The following CCDC93 variants were observed in gnomAD, a reference collection of about 807,000 sequenced individuals.
CCDC93 encodes CCC complex scaffolding subunit CCDC93, also known as coiled-coil domain-containing protein 93.
A neutral mutation model predicts 108.2 loss-of-function variants in CCDC93; 61 were observed. The ratio of observed to expected loss-of-function variants is 0.56; its 90% CI spans 0.46 to 0.70. The LOEUF is 0.70. Ranked by LOEUF, CCDC93 falls within the 30% of genes least tolerant of loss-of-function variation. The pLI, the probability that CCDC93 is intolerant of heterozygous loss-of-function variation, is 0.00. For synonymous variants in CCDC93, 276 were observed against 260.4 expected, an observed-to-expected ratio of 1.06 and a Z score of -0.58; for missense variants, 685 against 764.2, an observed-to-expected ratio of 0.90 and a Z score of 1.22.
chr2:117,936,795 T>C (rs1423602665), intron 20 of CCDC93, 56 bp from the exon 21 acceptor site: 1 of 1,347,056 alleles, frequency 7.4e-7, no homozygotes, highest in African/African-American at 1.4e-5. Context: ...ATTTCCACAC[T>C]ACTGCAACTG....
intron 12 of CCDC93, among the ~76,000 whole-genome samples, chr2:117,956,421 C>T (rs1679219420): frequency 6.6e-6 from 1 of 152,212 alleles, no homozygotes; most frequent in South Asian, 2.1e-4. Context: ...AGTATTGCTT[C>T]TCCCCAGGTT....
chr2:117,967,714 G>C lies in CCDC93; in HGVS notation c.888+6194C>G, dbSNP rs182551673. Among the ~76,000 whole-genome samples, 468 of 152,240 alleles carry C rather than the reference G, an allele frequency of 3.1e-3. 5 individuals are homozygous for C. Among genetic ancestry groups the C allele is most frequent in the African/African-American group, 0.011 (442 of 41,552 alleles). On this transcript the variant is annotated intron_variant, in intron 11 of 23. Coordinates refer to ENST00000376300, the MANE Select transcript of CCDC93 (RefSeq NM_019044.5). ...GGCACTGGACAAGTCACATAATCTCGTTTCTTTGCCTGCAAAATGGATATA... is the reference window on the plus strand; with the variant it reads ...GGCACTGGACAAGTCACATAATCTCCTTTCTTTGCCTGCAAAATGGATATA...
intron 6 of CCDC93, among the ~76,000 whole-genome samples, chr2:117,987,648 G>A (rs1021599424): frequency 2.0e-5 from 3 of 152,178 alleles, no homozygotes; most frequent in African/African-American, 7.2e-5. Flanking sequence ...AACAGATCTT[G>A]AAGGATGCTC....
chr2:117,935,546 A>G lies in CCDC93; in HGVS notation c.1677T>C (p.Phe559=). ...AMASPAARDQ[F]LRQMEQIVEG... is the part of the protein sequence containing the mutation. ...CCACAATCTGTTCCATCTGACGTAA[A>G]AACTGGTCCCGGGCAGCAGGGGAGG... The change falls in exon 22 of 24, where the codon TTT becomes TTC. Residue 559 remains phenylalanine, a synonymous_variant. Coordinates refer to ENST00000376300, the MANE Select transcript of CCDC93 (RefSeq NM_019044.5). 1 of 1,614,046 alleles carries G rather than the reference A, an allele frequency of 6.2e-7. No individual in the cohort carries two copies. The highest frequency in any genetic ancestry group is 2.2e-5 in the East Asian group (1 of 44,874).
intron 20 of CCDC93, among the ~76,000 whole-genome samples, chr2:117,937,106 T>C (rs745842569): frequency 1.3e-5 from 2 of 152,218 alleles, no homozygotes; most frequent in African/African-American, 2.4e-5. Flanking sequence ...CTGCACTTTA[T>C]TTTCAAGGAT....
intron 23 of CCDC93, among the ~76,000 whole-genome samples, chr2:117,927,469 A>G (rs968595137): frequency 6.6e-6 from 1 of 151,294 alleles, no homozygotes; most frequent in African/African-American, 2.4e-5. Flanking sequence ...TTATACACCA[A>G]TAACAGACAG....
At chr2:117,941,342 C>A (rs1390335723) in intron 18 of CCDC93, 45 bp from the exon 19 acceptor site, 2 of 1,507,978 alleles carry the variant, frequency 1.3e-6, no homozygotes, top group Non-Finnish European at 1.8e-6. Flanking sequence ...TGGTAAAAGG[C>A]CTTACATGTT....
intron 1 of CCDC93, among the ~76,000 whole-genome samples, chr2:118,009,985 C>T (rs1184152407): frequency 6.6e-6 from 1 of 151,928 alleles, no homozygotes; most frequent in Non-Finnish European, 1.5e-5. Context: ...AGCACGGTGG[C>T]GCAATCTCGG....
In CCDC93 at chr2:117,915,764, G is replaced by A. The variant is rs1408859323; in HGVS notation, c.*4579C>T. On this transcript the variant is annotated 3_prime_UTR_variant, in exon 24 of 24. Coordinates refer to ENST00000376300, the MANE Select transcript of CCDC93 (RefSeq NM_019044.5). ...GGACATATGATATACACGTGTATAC[G>A]TCTGTGTGAAAACATATGCACACAC... is the stretch of plus-strand genomic sequence containing the variant. 4 of 152,178 alleles carry A rather than the reference G, an allele frequency of 2.6e-5. No homozygotes were observed. Among genetic ancestry groups the A allele is most frequent in the South Asian group, 2.1e-4 (1 of 4,816 alleles). The allele number at this position is 152,178 out of a possible 1,614,324, so 9.4% of individuals were successfully genotyped here. A position where few individuals can be genotyped will look rare whatever the true frequency, so the allele number is the denominator to read the frequency against.
At chr2:117,963,257 T>C (rs1679452436) in intron 11 of CCDC93, among the ~76,000 whole-genome samples, 1 of 152,174 alleles carries the variant, frequency 6.6e-6, no homozygotes, top group Non-Finnish European at 1.5e-5. Flanking sequence ...CCCCTCCCAA[T>C]GCACACACCA....
intron 13 of CCDC93, chr2:117,950,848 C>A (rs1679030643): frequency 9.1e-6 from 9 of 985,248 alleles, no homozygotes; most frequent in African/African-American, 1.7e-5. Flanking sequence ...TGCCAGGCTG[C>A]CTGTATTTGA....
At chr2:117,947,210 A>AC (rs1678900893) in intron 15 of CCDC93, among the ~76,000 whole-genome samples, 1 of 152,196 alleles carries the variant, frequency 6.6e-6, no homozygotes, top group African/African-American at 2.4e-5. Flanking sequence ...GCAGGCCTCA[A>AC]CCTTATTCAG....
chr2:117,946,496 T>G (rs1678876919), intron 16 of CCDC93, among the ~76,000 whole-genome samples: 1 of 152,100 alleles, frequency 6.6e-6, no homozygotes, highest in African/African-American at 2.4e-5. Context: ...GGCAGAAAAT[T>G]TAAGGAACGG....
intron 12 of CCDC93, among the ~76,000 whole-genome samples, chr2:117,956,629 G>C (rs1679225170): frequency 6.6e-6 from 1 of 152,192 alleles, no homozygotes; most frequent in Non-Finnish European, 1.5e-5. Flanking sequence ...GAGTAGGGAT[G>C]ATACTGTCTG....
chr2:117,918,328 G>C lies in CCDC93; in HGVS notation c.*2015C>G, dbSNP rs547827192. ...AGGCCTTGTCGATAAAAAAAAAAAG[G>C]GAATAGAGATCTATGGACACCTCTC... On this transcript the variant is annotated 3_prime_UTR_variant, in exon 24 of 24. Coordinates refer to ENST00000376300, the MANE Select transcript of CCDC93 (RefSeq NM_019044.5). 1 of 151,976 alleles carries C rather than the reference G, an allele frequency of 6.6e-6. No homozygotes were observed. The highest frequency in any genetic ancestry group is 1.9e-4 in the East Asian group (1 of 5,162). The allele number at this position is 151,976 out of a possible 1,614,324, so 9.4% of individuals were successfully genotyped here.
chr2:117,992,539 G>A (rs981569249), intron 6 of CCDC93, among the ~76,000 whole-genome samples: 3 of 151,988 alleles, frequency 2.0e-5, no homozygotes, highest in South Asian at 2.1e-4. Flanking sequence ...CCACCAGGCC[G>A]GACACGTTTT....
At chr2:117,927,890 T>C (rs1380943183) in intron 23 of CCDC93, among the ~76,000 whole-genome samples, 1 of 152,168 alleles carries the variant, frequency 6.6e-6, no homozygotes, top group African/African-American at 2.4e-5. Context: ...CAAAACAGCA[T>C]GGTACTGGTA....
intron 23 of CCDC93, among the ~76,000 whole-genome samples, chr2:117,923,642 C>A (rs546372581): frequency 6.7e-6 from 1 of 148,716 alleles, no homozygotes; most frequent in African/African-American, 2.5e-5. Flanking sequence ...TGGAGCTCAC[C>A]GCAGCACAAG....
At chr2:118,013,900 T>C (rs1363323932) in intron 1 of CCDC93, 54 bp downstream of exon 1, 1 of 1,466,824 alleles carries the variant, frequency 6.8e-7, no homozygotes. Flanking sequence ...GCCCCGCGGC[T>C]CGGCCCTCTC....
Sources: allele counts gnomAD v4.1 joint callset (sites outside exome capture counted in the v4.1 genomes callset), GRCh38; gene constraint gnomAD v4.1.1; transcripts MANE v1.5; gene names NCBI Gene and HGNC (gene_info 2026-07-23, HGNC 2026-07-21).